Variants in FILIP1 observed in about 807,000 individuals in gnomAD.
The protein encoded by FILIP1 is filamin-A-interacting protein 1.
In FILIP1, 61 loss-of-function variants were observed where a neutral mutation model predicts 102.1. The ratio of observed to expected loss-of-function variants is 0.60; its 90% confidence interval spans 0.49 to 0.74. FILIP1 has a LOEUF of 0.74. Among genes scored for constraint, FILIP1 ranks in the 30% least tolerant of loss-of-function variants. FILIP1 has a pLI of 0.00. For synonymous variants in FILIP1, 491 were observed against 526.9 expected (o/e 0.93, Z 0.93); for missense variants, 1,314 against 1,441.2 (o/e 0.91, Z 1.43).
chr6:75,486,206 C>A (rs1779784798), intron 1 of FILIP1, among the ~76,000 whole-genome samples: 1 of 152,130 alleles, frequency 6.6e-6, no homozygotes, highest in African/African-American at 2.4e-5. Flanking sequence ...CAGACAAAAG[C>A]CCCAACAGTG....
intron 1 of FILIP1, among the ~76,000 whole-genome samples, chr6:75,438,324 C>T (rs1045025391): frequency 6.6e-6 from 1 of 152,226 alleles, no homozygotes; most frequent in Non-Finnish European, 1.5e-5. Flanking sequence ...TTATTCACAG[C>T]AACTGATGAG....
At chr6:75,433,218 G>T (rs992622281) in intron 1 of FILIP1, among the ~76,000 whole-genome samples, 48 of 152,182 alleles carry the variant, frequency 3.2e-4, no homozygotes, top group African/African-American at 1.2e-3. Flanking sequence ...GGGTCAAATG[G>T]TATTTCTAGT....
At chr6:75,359,762 G>A (rs947510566) in intron 3 of FILIP1, among the ~76,000 whole-genome samples, 19 of 152,170 alleles carry the variant, frequency 1.2e-4, no homozygotes, top group Non-Finnish European at 2.4e-4. Flanking sequence ...TCAAACATGA[G>A]GGGAGGCTAA....
chr6:75,422,272 TG>T (rs1777494031), intron 1 of FILIP1, among the ~76,000 whole-genome samples: 1 of 152,110 alleles, frequency 6.6e-6, no homozygotes, highest in African/African-American at 2.4e-5. Context: ...ATATAATCAT[TG>T]ATTAAACAAA....
At chr6:75,422,256 T>G (rs1777493401) in intron 1 of FILIP1, among the ~76,000 whole-genome samples, 1 of 152,122 alleles carries the variant, frequency 6.6e-6, no homozygotes, top group Non-Finnish European at 1.5e-5. Flanking sequence ...AGACATAGCA[T>G]GTAATATATA....
chr6:75,307,239 A>G (rs1474205580), downstream of FILIP1, among the ~76,000 whole-genome samples: 1 of 152,216 alleles, frequency 6.6e-6, no homozygotes, highest in Non-Finnish European at 1.5e-5. Flanking sequence ...TCTGCAAGCA[A>G]TAGAAAATCT....
At chr6:75,372,691 GA>G (rs1562514940) in intron 2 of FILIP1, among the ~76,000 whole-genome samples, 2 of 33,988 alleles carry the variant, frequency 5.9e-5, no homozygotes, top group Admixed American at 2.8e-4. Flanking sequence ...GAAAGAGAAA[GA>G]AAGAGAAAGA....
At chr6:75,397,312 C>T (rs576642547) in intron 2 of FILIP1, among the ~76,000 whole-genome samples, 1 of 151,826 alleles carries the variant, frequency 6.6e-6, no homozygotes, top group African/African-American at 2.4e-5. Context: ...ATATGGCTCA[C>T]ACTCTGTATG....
At chr6:75,369,754 T>G (rs1169524790) in intron 2 of FILIP1, among the ~76,000 whole-genome samples, 1 of 152,172 alleles carries the variant, frequency 6.6e-6, no homozygotes, top group Non-Finnish European at 1.5e-5. Context: ...TTGGGGTAGA[T>G]GATAAGTAGT....
At chr6:75,464,787 G>A (rs139507597) in intron 1 of FILIP1, among the ~76,000 whole-genome samples, 20 of 152,170 alleles carry the variant, frequency 1.3e-4, no homozygotes, top group Admixed American at 2.6e-4. Flanking sequence ...GGTCTTACCC[G>A]CTATCTGGTC....
intron 4 of FILIP1, among the ~76,000 whole-genome samples, chr6:75,352,571 G>A (rs1162006508): frequency 6.6e-6 from 1 of 152,054 alleles, no homozygotes; most frequent in Non-Finnish European, 1.5e-5. Context: ...GTCTTCAGTT[G>A]GTTTGGTTTG....
chr6:75,356,449 T>A (rs1775002410), intron 3 of FILIP1, among the ~76,000 whole-genome samples: 1 of 151,904 alleles, frequency 6.6e-6, no homozygotes, highest in Non-Finnish European at 1.5e-5. Context: ...TATTTTTACA[T>A]CTTCTAATAA....
intron 4 of FILIP1, among the ~76,000 whole-genome samples, chr6:75,352,591 C>A (rs1249910174): frequency 6.6e-6 from 1 of 151,788 alleles, no homozygotes; most frequent in Admixed American, 6.6e-5. Flanking sequence ...GTTTTTTTAC[C>A]CCAAGTTTTA....
At chr6:75,364,156 G>T (rs566356855) in intron 2 of FILIP1, among the ~76,000 whole-genome samples, 1 of 152,142 alleles carries the variant, frequency 6.6e-6, no homozygotes, top group Non-Finnish European at 1.5e-5. Flanking sequence ...CCACATATAC[G>T]TATGCTCACT....
chr6:75,380,138 G>A (rs1194375328), intron 2 of FILIP1, among the ~76,000 whole-genome samples: 12 of 151,798 alleles, frequency 7.9e-5, no homozygotes, highest in East Asian at 7.8e-4. Context: ...CAGGGAAGAC[G>A]TTCTCTGAAA....
intron 2 of FILIP1, among the ~76,000 whole-genome samples, chr6:75,378,803 G>A (rs1012392825): frequency 6.6e-6 from 1 of 152,122 alleles, no homozygotes; most frequent in Non-Finnish European, 1.5e-5. Context: ...ATGAGAAAGA[G>A]TTTGGCCACT....
Position 75,337,348 on chromosome 6 carries a change from C to G in FILIP1, c.629+16191G>C, listed in dbSNP as rs188117287. ...TCTGGTTGCCATGAAGCATCATGAC[C>G]TGACCAAGTGACTCTTTAAAACAAG... On this transcript the variant is annotated intron_variant, in intron 4 of 5. Coordinates refer to ENST00000237172, the MANE Select transcript of FILIP1 (RefSeq NM_015687.5). 2.7e-3 allele frequency among the ~76,000 whole-genome samples: 418 copies of G among 152,230 alleles called. 1 individual carries two copies. Among genetic ancestry groups the G allele is most frequent in the Middle Eastern group, 0.01 (3 of 294 alleles).
chr6:75,347,605 A>G (rs546417423), intron 4 of FILIP1, among the ~76,000 whole-genome samples: 1 of 152,368 alleles, frequency 6.6e-6, no homozygotes, highest in East Asian at 1.9e-4. Flanking sequence ...ACTTAAGAAT[A>G]ATGTTCCAGG....
At chr6:75,348,335 G>C (rs1774667855) in intron 4 of FILIP1, among the ~76,000 whole-genome samples, 1 of 151,892 alleles carries the variant, frequency 6.6e-6, no homozygotes, top group South Asian at 2.1e-4. Flanking sequence ...TAGACAAGGG[G>C]GATTTCTTTA....
Sources: gnomAD v4.1 joint callset for allele counts (sites outside exome capture counted in the v4.1 genomes callset) on GRCh38, gnomAD v4.1.1 for gene constraint, MANE v1.5 for transcripts, NCBI Gene and HGNC (gene_info 2026-07-23, HGNC 2026-07-21) for gene names.